Variants in DEUP1 observed in about 807,000 individuals in gnomAD.
DEUP1 encodes the protein coiled-coil domain containing 67.
DEUP1 carries 82 observed loss-of-function variants against 87.4 expected under a neutral mutation model. The ratio of observed to expected loss-of-function variants is 0.94; its 90% CI spans 0.78 to 1.13. DEUP1 has a LOEUF of 1.13. Among genes scored for constraint, DEUP1 ranks in the 50% most tolerant of loss-of-function variants. DEUP1 has a pLI of 0.00. For synonymous variants in DEUP1, 214 were observed against 222.7 expected (o/e 0.96, Z 0.35); for missense variants, 663 against 681.5 (o/e 0.97, Z 0.30).
Position 93,351,027 on chromosome 11 carries a change from AAC to A in DEUP1, c.30-4342_30-4341del, listed in dbSNP as rs1392853746. Among the ~76,000 whole-genome samples the A allele has an allele frequency of 3.4e-3, 500 of 148,146 alleles. 2 individuals are homozygous for A. The highest frequency in any genetic ancestry group is 0.012 in the African/African-American group (477 of 40,844). On this transcript the variant is annotated intron_variant, in intron 2 of 13. Coordinates refer to ENST00000298050, the MANE Select transcript of DEUP1 (RefSeq NM_181645.4). The stretch of plus-strand genomic sequence containing the variant: ...TTTCATATAAAAATGTATTTTAATA[AAC>A]ATATATTATATTTTCACATAATATA...
Position 93,379,073 on chromosome 11 carries a change from G to A in DEUP1, c.790-6325G>A, listed in dbSNP as rs983648257. 2.0e-4 allele frequency among the ~76,000 whole-genome samples: 30 copies of A among 152,212 alleles called. 1 individual carries two copies. The highest frequency in any genetic ancestry group is 7.2e-4 in the African/African-American group (30 of 41,544). On this transcript the variant is annotated intron_variant, in intron 7 of 13. Coordinates refer to ENST00000298050, the MANE Select transcript of DEUP1 (RefSeq NM_181645.4). ...CTAGTAGGCCCAGTTATCAAGTCTG[G>A]TTCTACCCTTCAGTGAAGTTCACCT...
At position 93,332,287 on chromosome 11, in the gene DEUP1, G is replaced by T; in HGVS notation, c.28G>T (p.Gly10Ter). 1 of 1,607,178 alleles carries T rather than the reference G, an allele frequency of 6.2e-7. No homozygotes were observed. Among genetic ancestry groups the T allele is most frequent in the South Asian group, 1.1e-5 (1 of 89,302 alleles). MENQAHNTM[G>*]TSPCEAELQE... ...GGAGAACCAAGCCCATAATACGATG[G>T]GGTAAGTGCTGAGAAATTTCTGTTT... The change falls in exon 2 of 14, where the codon GGA (glycine) becomes TGA (stop). Residue 10 changes from glycine (G) to a stop codon, truncating the protein, a stop_gained and splice_region_variant. Coordinates refer to ENST00000298050, the MANE Select transcript of DEUP1 (RefSeq NM_181645.4). LOFTEE classifies it high-confidence loss of function.
intron 13 of DEUP1, among the ~76,000 whole-genome samples, chr11:93,429,393 C>G (rs1467412491): frequency 6.6e-6 from 1 of 152,134 alleles, no homozygotes; most frequent in East Asian, 1.9e-4. Context: ...ATCAATAAAA[C>G]TTTGATCACT....
At chr11:93,342,082 C>A (rs1944108480) in intron 2 of DEUP1, among the ~76,000 whole-genome samples, 1 of 152,172 alleles carries the variant, frequency 6.6e-6, no homozygotes, top group Admixed American at 6.5e-5. Flanking sequence ...CTCTCCATAT[C>A]AAGATTCTTA....
At chr11:93,433,350 T>C (rs1196834024) in intron 13 of DEUP1, among the ~76,000 whole-genome samples, 1 of 152,106 alleles carries the variant, frequency 6.6e-6, no homozygotes, top group Non-Finnish European at 1.5e-5. Flanking sequence ...GCTCCGTTTC[T>C]ATAAAAACTT....
At chr11:93,427,100 T>G (rs1947944827) in intron 13 of DEUP1, among the ~76,000 whole-genome samples, 1 of 144,510 alleles carries the variant, frequency 6.9e-6, no homozygotes, top group East Asian at 2.1e-4. Flanking sequence ...CCAATGACTT[T>G]CTTCAAAAAA....
intron 9 of DEUP1, among the ~76,000 whole-genome samples, chr11:93,393,968 G>T (rs1383567214): frequency 6.6e-6 from 1 of 152,118 alleles, no homozygotes; most frequent in Non-Finnish European, 1.5e-5. Context: ...ATTGTTTGAA[G>T]TTTACTGTAA....
chr11:93,384,540 C>T (rs1946447204), intron 7 of DEUP1, among the ~76,000 whole-genome samples: 1 of 152,206 alleles, frequency 6.6e-6, no homozygotes, highest in African/African-American at 2.4e-5. Context: ...CAACTGCTAA[C>T]CTAGTTCCAG....
chr11:93,386,251 A>G (rs1377216707), intron 8 of DEUP1, among the ~76,000 whole-genome samples: 1 of 152,136 alleles, frequency 6.6e-6, no homozygotes, highest in Non-Finnish European at 1.5e-5. Context: ...GGTTCTTCTT[A>G]AAACAGATTT....
intron 7 of DEUP1, chr11:93,383,354 A>G: frequency 2.8e-6 from 1 of 358,590 alleles, no homozygotes; most frequent in East Asian, 4.1e-5. Context: ...TACATTAAAG[A>G]GGGCAGTCAC....
intron 9 of DEUP1, among the ~76,000 whole-genome samples, chr11:93,393,409 C>A (rs188730801): frequency 1.7e-3 from 262 of 152,086 alleles, no homozygotes; most frequent in Non-Finnish European, 3.4e-3. Flanking sequence ...TCTCAGCCCA[C>A]TATACTGCAA....
rs1555048258 is a variant in DEUP1, at chr11:93,373,625, G to GTATATATATA, written c.789+2362_789+2371dup. ...TATATTTATATATGTATATATATAC[G>GTATATATATA]TATATATATATATATATATATATAT... On this transcript the variant is annotated intron_variant, in intron 7 of 13. Transcript: ENST00000298050. Among the ~76,000 whole-genome samples the GTATATATATA allele has an allele frequency of 2.7e-3, 181 of 66,958 alleles. 1 individual carries two copies. The highest frequency in any genetic ancestry group is 6.6e-3 in the African/African-American group (162 of 24,578). The allele number at this position is 66,958 out of a possible 152,430, so 43.9% of individuals were successfully genotyped here.
intron 13 of DEUP1, among the ~76,000 whole-genome samples, chr11:93,416,478 G>T (rs1287011245): frequency 6.6e-6 from 1 of 152,074 alleles, no homozygotes; most frequent in African/African-American, 2.4e-5. Context: ...GACTAAACCA[G>T]GAAGAAGTTG....
Position 93,370,015 on chromosome 11 carries a change from G to A in DEUP1, c.433-58G>A, listed in dbSNP as rs1591158742. On this transcript the variant is annotated intron_variant, in intron 5 of 13. Transcript: ENST00000298050. ...TGTACAAATGAAAGAAGCCTTATTT[G>A]CTGTACTTTAAAATGAATAACATTT... 3.7e-6 allele frequency: 3 copies of A among 812,574 alleles called. No individual in the cohort carries two copies. In the East Asian group the frequency reaches 8.2e-5, roughly 22 times the overall value. 50.3% of individuals were successfully genotyped at this position (812,574 alleles called of 1,614,324 possible). A position where few individuals can be genotyped will look rare whatever the true frequency, so the allele number is the denominator to read the frequency against.
chr11:93,416,996 C>T (rs1408783866), intron 13 of DEUP1, among the ~76,000 whole-genome samples: 4 of 152,022 alleles, frequency 2.6e-5, no homozygotes, highest in African/African-American at 4.8e-5. Flanking sequence ...ATGCTAAAAA[C>T]TCTCAATAAA....
At chr11:93,408,750 T>C (rs1011009092) in intron 12 of DEUP1, among the ~76,000 whole-genome samples, 3 of 152,180 alleles carry the variant, frequency 2.0e-5, no homozygotes, top group Admixed American at 1.3e-4. Flanking sequence ...TAGATTTTAA[T>C]AGGTATATTG....
At chr11:93,416,448 C>T (rs371455719) in intron 13 of DEUP1, among the ~76,000 whole-genome samples, 9 of 152,130 alleles carry the variant, frequency 5.9e-5, no homozygotes, top group African/African-American at 2.2e-4. Flanking sequence ...ATAAATTCCT[C>T]GACACATACA....
At chr11:93,348,782 GT>G (rs1006285700) in intron 2 of DEUP1, among the ~76,000 whole-genome samples, 2 of 152,134 alleles carry the variant, frequency 1.3e-5, no homozygotes, top group Admixed American at 1.3e-4. Flanking sequence ...TTTATACCTA[GT>G]GTGCTGGCAT....
At chr11:93,343,074 C>T (rs1944160454) in intron 2 of DEUP1, among the ~76,000 whole-genome samples, 2 of 152,166 alleles carry the variant, frequency 1.3e-5, no homozygotes. Flanking sequence ...TAGAAGTCTT[C>T]AACTCAGATG....
Sources: gnomAD v4.1 joint callset for allele counts (sites outside exome capture counted in the v4.1 genomes callset) on GRCh38, gnomAD v4.1.1 for gene constraint, MANE v1.5 for transcripts, NCBI Gene and HGNC (gene_info 2026-07-23, HGNC 2026-07-21) for gene names.